The following SORL1 variants were observed in gnomAD, a reference collection of about 807,000 sequenced individuals.
SORL1 encodes sortilin-related receptor.
A neutral mutation model predicts 273.7 loss-of-function variants in SORL1; 127 were observed. The observed-to-expected ratio is 0.46, with a 90% CI of 0.40 to 0.54. The LOEUF is 0.54. SORL1 is among the 20% of genes least tolerant of loss of function. SORL1 has a pLI of 0.00. For missense variants in SORL1, 2,494 were observed against 2,846.1 expected (o/e 0.88, Z 2.81); for synonymous variants, 1,031 against 1,067.4 (o/e 0.97, Z 0.66).
intron 25 of SORL1, among the ~76,000 whole-genome samples, chr11:121,581,176 G>A (rs1405497784): frequency 1.3e-5 from 2 of 152,180 alleles, no homozygotes; most frequent in Admixed American, 1.3e-4. Flanking sequence ...GCCTCCCAAA[G>A]TGCTGGGATT....
intron 1 of SORL1, among the ~76,000 whole-genome samples, chr11:121,462,585 C>G (rs201532941): frequency 7.9e-5 from 12 of 152,016 alleles, no homozygotes; most frequent in African/African-American, 2.7e-4. Context: ...TGTTATTTTT[C>G]TTTCTTTTTT....
chr11:121,558,665 A>G lies in SORL1; in HGVS notation c.2738A>G (p.Tyr913Cys). 1 of 1,613,988 alleles carries G rather than the reference A, an allele frequency of 6.2e-7. No individual in the cohort carries two copies. Among genetic ancestry groups the G allele is most frequent in the Non-Finnish European group, 8.5e-7 (1 of 1,179,958 alleles). ...AGCAATATGGATGGTTCTGCTGCCT[A>G]TCACCTGGTGTCTGAGGATGTGAAG... ...YRSNMDGSAA[Y>C]HLVSEDVKWP... Residue 913 changes from tyrosine (Y) to cysteine (C), a missense_variant, in exon 20 of 48, where the codon TAT (tyrosine) becomes TGT (cysteine). Tyr to Cys is a radical substitution (Grantham distance 194, BLOSUM62 -2). Around this residue, in one of 3 missense-constraint regions of SORL1, gnomAD observed 1,609 missense variants for 1,816.4 expected, o/e 0.89. Transcript: ENST00000260197.
chr11:121,468,221 C>CACTA, intron 1 of SORL1, among the ~76,000 whole-genome samples: 1 of 152,212 alleles, frequency 6.6e-6, no homozygotes, highest in Non-Finnish European at 1.5e-5. Flanking sequence ...CTTGAACTGT[C>CACTA]ATCAGTCTAG....
At chr11:121,513,242 G>A in intron 7 of SORL1, 138 bp downstream of exon 7, 1 of 689,874 alleles carries the variant, frequency 1.4e-6, no homozygotes, top group South Asian at 1.6e-5. Flanking sequence ...AGAGAGTGCA[G>A]CTATGCTTTG....
rs993822494 is a variant in SORL1, at chr11:121,633,505, CTTGT to C, written c.*3945_*3948del. 3 of 152,190 alleles carry C rather than the reference CTTGT, an allele frequency of 2.0e-5. No homozygotes were observed. The highest frequency in any genetic ancestry group is 4.4e-5 in the Non-Finnish European group (3 of 68,020). The allele number at this position is 152,190 out of a possible 1,614,324, so 9.4% of individuals were successfully genotyped here. Reference sequence around the variant, plus strand: ...CTTATTTAAAGTGAAACACTGTATACTTGTTTCTCTCCAAAGCGAAATTAAGTAT... The same window carrying C: ...CTTATTTAAAGTGAAACACTGTATACTTCTCTCCAAAGCGAAATTAAGTAT... On this transcript the variant is annotated 3_prime_UTR_variant, in exon 48 of 48. Transcript: ENST00000260197.
rs1377089160 is a variant in SORL1 at position 121,631,863 on chromosome 11, A to G, written c.*2300A>G. 6.6e-6 allele frequency: 1 copy of G among 152,230 alleles called. No homozygotes were observed. Among genetic ancestry groups the G allele is most frequent in the Non-Finnish European group, 1.5e-5 (1 of 68,050 alleles). The allele number at this position is 152,230 out of a possible 1,614,324, so 9.4% of individuals were successfully genotyped here. A position where few individuals can be genotyped will look rare whatever the true frequency, so the allele number is the denominator to read the frequency against. On this transcript the variant is annotated 3_prime_UTR_variant, in exon 48 of 48. Coordinates refer to ENST00000260197, the MANE Select transcript of SORL1 (RefSeq NM_003105.6). ...AAGACTAAGCTAGATAGCTGCAGCT[A>G]TATGTAAATTGTATATTTTTATGAA...
rs1167924751 is a variant in SORL1 at position 121,514,189 on chromosome 11, T to C, written c.1079T>C (p.Phe360Ser). The change falls in exon 8 of 48, where the codon TTT (phenylalanine) becomes TCT (serine). Residue 360 changes from phenylalanine (F) to serine (S), a missense_variant. By Grantham distance (155) the Phe-to-Ser change is radical. This residue lies in a region of SORL1 where 710 missense variants were observed against 882.5 expected (regional missense o/e 0.80). Transcript: ENST00000260197. ...GCAGATGCCTCCGAGGACCAGGTGT[T>C]TGTGTGTGTCAGCCACAGTAACAAC... ...YIADASEDQV[F>S]VCVSHSNNRT... is the part of the protein sequence containing the mutation. 1 of 1,614,168 alleles carries C rather than the reference T, an allele frequency of 6.2e-7. No individual in the cohort carries two copies. The highest frequency in any genetic ancestry group is 2.2e-5 in the East Asian group (1 of 44,890).
At chr11:121,611,424 CA>C (rs996855632) in intron 39 of SORL1, 2 of 304,916 alleles carry the variant, frequency 6.6e-6, no homozygotes, top group South Asian at 6.7e-5. Flanking sequence ...AGCTACAGTG[CA>C]AATAAAGAGT....
chr11:121,481,541 G>A (rs1189465436), intron 3 of SORL1, among the ~76,000 whole-genome samples: 1 of 97,510 alleles, frequency 1.0e-5, no homozygotes, highest in African/African-American at 4.7e-5. Context: ...CTTCCCTAGT[G>A]CACAGATACC....
At chr11:121,482,122 A>AG (rs1479275370) in intron 3 of SORL1, among the ~76,000 whole-genome samples, 1 of 152,224 alleles carries the variant, frequency 6.6e-6, no homozygotes, top group Non-Finnish European at 1.5e-5. Flanking sequence ...AAGACAGGAC[A>AG]GATGATGTTT....
chr11:121,477,704 C>A (rs1403567842), intron 2 of SORL1, among the ~76,000 whole-genome samples: 2 of 152,032 alleles, frequency 1.3e-5, no homozygotes, highest in Non-Finnish European at 2.9e-5. Context: ...CTAATGGGAG[C>A]CACGTTCAGG....
intron 34 of SORL1, 21 bp downstream of exon 34, chr11:121,605,260 G>A (rs753085838): frequency 4.6e-5 from 74 of 1,602,712 alleles, no homozygotes; most frequent in Middle Eastern, 1.7e-4. Context: ...TCTTTGTCAT[G>A]GGAGATGAAA....
At chr11:121,629,437 A>T (rs577487514) in intron 47 of SORL1, 59 bp from the exon 48 acceptor site, 3 of 860,210 alleles carry the variant, frequency 3.5e-6, no homozygotes, top group Non-Finnish European at 6.1e-6. Context: ...GAGTGGTGGG[A>T]TATGGGGTCA....
chr11:121,504,232 C>T (rs188075021), intron 6 of SORL1, among the ~76,000 whole-genome samples: 111 of 152,082 alleles, frequency 7.3e-4, no homozygotes, highest in African/African-American at 2.3e-3. Context: ...GCCAATATGG[C>T]GAAACCCCGT....
intron 44 of SORL1, 95 bp from the exon 45 acceptor site, chr11:121,622,067 A>C (rs1359116024): frequency 1.4e-6 from 1 of 735,012 alleles, no homozygotes; most frequent in Non-Finnish European, 2.3e-6. Context: ...CAGCCCTCCA[A>C]GGCTAGCATT....
intron 11 of SORL1, among the ~76,000 whole-genome samples, chr11:121,524,718 T>G (rs1193163423): frequency 6.6e-6 from 1 of 152,058 alleles, no homozygotes; most frequent in East Asian, 1.9e-4. Context: ...TGTGCTTTTT[T>G]CTCTTTTTAA....
In SORL1 at chr11:121,508,969, A is replaced by G. The variant is rs1277133996; in HGVS notation, c.940-4034A>G. On this transcript the variant is annotated intron_variant, in intron 6 of 47. Transcript: ENST00000260197. ...TCCAACCTACACGAAAGAACAGTTAATGCTGATATGACCTCCCCACGTGCC... is the reference window on the plus strand; with the variant it reads ...TCCAACCTACACGAAAGAACAGTTAGTGCTGATATGACCTCCCCACGTGCC... Among the ~76,000 whole-genome samples the G allele has an allele frequency of 1.3e-5, 2 of 152,194 alleles. 1 individual carries two copies. Among genetic ancestry groups the G allele is most frequent in the Non-Finnish European group, 2.9e-5 (2 of 68,044 alleles).
chr11:121,547,691 A>G (rs1201406744), intron 14 of SORL1, among the ~76,000 whole-genome samples: 2 of 151,910 alleles, frequency 1.3e-5, no homozygotes, highest in Non-Finnish European at 2.9e-5. Context: ...GGGTATATGG[A>G]TGTCAGCTGT....
chr11:121,561,056 G>C (rs1312475622), intron 21 of SORL1, among the ~76,000 whole-genome samples: 1 of 152,202 alleles, frequency 6.6e-6, no homozygotes, highest in Admixed American at 6.5e-5. Context: ...CACCCCTACT[G>C]ATCTGACTTG....
Sources: gnomAD v4.1 joint callset for allele counts (sites outside exome capture counted in the v4.1 genomes callset) on GRCh38, gnomAD v4.1.1 for gene constraint, gnomAD v4.1.1 regional missense constraint, MANE v1.5 for transcripts, NCBI Gene and HGNC (gene_info 2026-07-23, HGNC 2026-07-21) for gene names.